The following GRID2 variants were observed in gnomAD, a reference collection of about 807,000 sequenced individuals.
GRID2 encodes glutamate ionotropic receptor delta type subunit 2.
GRID2 carries 33 observed loss-of-function variants against 114.8 expected under a neutral mutation model. The ratio of observed to expected loss-of-function variants is 0.29; its 90% CI spans 0.22 to 0.38. GRID2 has a LOEUF of 0.38. Among genes scored for constraint, GRID2 ranks in the 10% least tolerant of loss-of-function variants. The pLI is 1.00. For missense variants in GRID2, 1,184 were observed against 1,257.7 expected (o/e 0.94, Z 0.89); for synonymous variants, 505 against 449.9 (o/e 1.12, Z -1.55).
At chr4:93,102,984 A>G (rs1348744640) in intron 3 of GRID2, among the ~76,000 whole-genome samples, 1 of 151,972 alleles carries the variant, frequency 6.6e-6, no homozygotes, top group Non-Finnish European at 1.5e-5. Context: ...GTAACTTTTG[A>G]CTTGATAAAT....
intron 2 of GRID2, among the ~76,000 whole-genome samples, chr4:92,593,793 G>T (rs1333950725): frequency 6.6e-6 from 1 of 151,070 alleles, no homozygotes; most frequent in African/African-American, 2.4e-5. Context: ...GTACTGAGCT[G>T]CAGGATATTA....
At chr4:92,573,226 A>G (rs1381248891) in intron 1 of GRID2, among the ~76,000 whole-genome samples, 1 of 151,738 alleles carries the variant, frequency 6.6e-6, no homozygotes, top group Non-Finnish European at 1.5e-5. Flanking sequence ...CTTCTTTATT[A>G]TTCTAGTGAG....
At chr4:92,666,458 G>C (rs1732781749) in intron 2 of GRID2, among the ~76,000 whole-genome samples, 1 of 151,218 alleles carries the variant, frequency 6.6e-6, no homozygotes, top group Non-Finnish European at 1.5e-5. Flanking sequence ...ATACTTTACT[G>C]TTTCTTCGTA....
At chr4:92,536,763 T>G (rs1461989942) in intron 1 of GRID2, among the ~76,000 whole-genome samples, 1 of 152,166 alleles carries the variant, frequency 6.6e-6, no homozygotes, top group African/African-American at 2.4e-5. Context: ...ATGCAAATCG[T>G]CTGAGAGAAA....
intron 2 of GRID2, among the ~76,000 whole-genome samples, chr4:92,763,167 T>C (rs1422412252): frequency 6.6e-6 from 1 of 152,142 alleles, no homozygotes; most frequent in Non-Finnish European, 1.5e-5. Context: ...TGAGCTAGAG[T>C]GAACTTAATA....
intron 2 of GRID2, among the ~76,000 whole-genome samples, chr4:92,871,381 GT>G (rs1404863692): frequency 1.3e-5 from 2 of 150,540 alleles, no homozygotes; most frequent in Non-Finnish European, 3.0e-5. Context: ...TTTTTATTTT[GT>G]TTTGGTTTGT....
chr4:93,231,036 AG>A (rs1746071829), intron 7 of GRID2, among the ~76,000 whole-genome samples: 1 of 152,028 alleles, frequency 6.6e-6, no homozygotes, highest in Non-Finnish European at 1.5e-5. Context: ...TCTGGAAAAA[AG>A]TAGGAGAGGA....
intron 2 of GRID2, among the ~76,000 whole-genome samples, chr4:92,732,060 C>T (rs1736353979): frequency 6.6e-6 from 1 of 151,716 alleles, no homozygotes; most frequent in African/African-American, 2.4e-5. Flanking sequence ...AGTTGAAATG[C>T]TTTTTTGGAA....
chr4:93,633,848 AC>A, intron 14 of GRID2, among the ~76,000 whole-genome samples: 1 of 152,146 alleles, frequency 6.6e-6, no homozygotes, highest in Non-Finnish European at 1.5e-5. Context: ...ATCCTTTAAT[AC>A]CCCAATTGGA....
At chr4:92,327,522 A>G (rs931800179) in intron 1 of GRID2, among the ~76,000 whole-genome samples, 2 of 151,976 alleles carry the variant, frequency 1.3e-5, no homozygotes, top group African/African-American at 2.4e-5. Context: ...GAGAGATAAG[A>G]GTGCTTAGTT....
intron 2 of GRID2, among the ~76,000 whole-genome samples, chr4:92,938,050 T>C (rs1436698497): frequency 2.0e-5 from 3 of 146,934 alleles, no homozygotes; most frequent in Non-Finnish European, 4.5e-5. Flanking sequence ...GTTTTTAAGA[T>C]GAAATAATGT....
In GRID2 at chr4:92,827,780, C is replaced by T. The variant is rs568879564; in HGVS notation, c.244+237494C>T. On this transcript the variant is annotated intron_variant, in intron 2 of 15. Coordinates refer to ENST00000282020, the MANE Select transcript of GRID2 (RefSeq NM_001510.4). ...ATGGATATAAGCACTTTCCTTTTAG[C>T]TAAAATAAATCTAGTTTGCTATTTT... Among the ~76,000 whole-genome samples, 5 of 152,032 alleles carry T rather than the reference C, an allele frequency of 3.3e-5. No individual in the cohort carries two copies. In the South Asian group the frequency reaches 1.0e-3, roughly 32 times the overall value.
chr4:92,675,957 C>T (rs567480078), intron 2 of GRID2, among the ~76,000 whole-genome samples: 1 of 152,150 alleles, frequency 6.6e-6, no homozygotes, highest in East Asian at 1.9e-4. Flanking sequence ...AAAGAAAATA[C>T]AGCCCTACGC....
At chr4:93,093,074 C>T (rs147114120) in intron 3 of GRID2, among the ~76,000 whole-genome samples, 4 of 152,122 alleles carry the variant, frequency 2.6e-5, no homozygotes, top group Non-Finnish European at 5.9e-5. Context: ...CTGCATCTCA[C>T]GGCCCTTTAG....
intron 2 of GRID2, among the ~76,000 whole-genome samples, chr4:92,899,505 T>C (rs1202199848): frequency 2.0e-5 from 3 of 152,170 alleles, no homozygotes; most frequent in Non-Finnish European, 4.4e-5. Flanking sequence ...CTGTGCATTC[T>C]AGTTATTCAA....
At chr4:92,343,246 A>C (rs1426903775) in intron 1 of GRID2, among the ~76,000 whole-genome samples, 2 of 151,856 alleles carry the variant, frequency 1.3e-5, no homozygotes, top group Admixed American at 6.6e-5. Flanking sequence ...ACTGCAAAAA[A>C]AAAAGCTCAA....
At chr4:92,452,648 T>G (rs1334411980) in intron 1 of GRID2, among the ~76,000 whole-genome samples, 3 of 151,882 alleles carry the variant, frequency 2.0e-5, no homozygotes, top group African/African-American at 4.8e-5. Context: ...TTAATGTAAG[T>G]TTTTTATGAA....
chr4:92,873,966 G>A (rs1745454093), intron 2 of GRID2, among the ~76,000 whole-genome samples: 2 of 152,090 alleles, frequency 1.3e-5, no homozygotes, highest in South Asian at 2.1e-4. Context: ...CACCTGCCTC[G>A]GCCTCCCAAA....
At chr4:92,919,789 G>A (rs1316401076) in intron 2 of GRID2, among the ~76,000 whole-genome samples, 2 of 152,154 alleles carry the variant, frequency 1.3e-5, no homozygotes, top group Admixed American at 1.3e-4. Context: ...GTCAATTTTG[G>A]AATAGGTGTG....
Sources: allele counts gnomAD v4.1 joint callset (sites outside exome capture counted in the v4.1 genomes callset), GRCh38; gene constraint gnomAD v4.1.1; transcripts MANE v1.5; gene names NCBI Gene and HGNC (gene_info 2026-07-23, HGNC 2026-07-21).